The following CAMK2A variants were observed in gnomAD, a reference collection of about 807,000 sequenced individuals.
CAMK2A encodes the protein calcium/calmodulin dependent protein kinase II alpha, also known as calcium/calmodulin-dependent protein kinase type II subunit alpha.
In CAMK2A, 7 loss-of-function variants were observed where a neutral mutation model predicts 79.2. The ratio of observed to expected loss-of-function variants is 0.09; its 90% confidence interval spans 0.05 to 0.17. The LOEUF (loss-of-function observed/expected upper bound fraction) is 0.17, where lower values mean the gene tolerates loss of function less well. Among genes scored for constraint, CAMK2A ranks in the 10% least tolerant of loss-of-function variants. The pLI is 1.00. For synonymous variants in CAMK2A, 242 were observed against 251.7 expected, an observed-to-expected ratio of 0.96 and a Z score of 0.36; for missense variants, 214 against 646.4, an observed-to-expected ratio of 0.33 and a Z score of 7.25.
rs10463294 is a variant in CAMK2A, at chr5:150,256,546, G to A, written c.411+27C>T. 743,359 of 1,579,808 alleles carry A rather than the reference G, an allele frequency of 0.47. 177,050 individuals are homozygous for A. Among genetic ancestry groups the A allele is most frequent in the African/African-American group, 0.62 (45,919 of 74,308 alleles). On this transcript the variant is annotated intron_variant, in intron 6 of 18. Coordinates refer to ENST00000671881, the MANE Select transcript of CAMK2A (RefSeq NM_015981.4). This position sits in a 1 kb window ranked among gnomAD's most constrained non-coding sequence, Gnocchi z 4.6. Reference sequence around the variant, plus strand: ...CAGAGGAGAGAGGGGCTCCCGGGGTGAGCCACACCCACGGTGGGTTGCTCA... The same window carrying A: ...CAGAGGAGAGAGGGGCTCCCGGGGTAAGCCACACCCACGGTGGGTTGCTCA...
chr5:150,285,097 C>G lies in CAMK2A; in HGVS notation c.62+4467G>C, dbSNP rs1757370129. On this transcript the variant is annotated intron_variant, in intron 1 of 18. Transcript: ENST00000671881. ...CATCAGAGTTTCCCTGCCCACATGG[C>G]CACTGCTCCTCTTCCCCTGTTAGTG... 2.6e-5 allele frequency among the ~76,000 whole-genome samples: 4 copies of G among 152,240 alleles called. No homozygotes were observed. In the South Asian group the frequency reaches 8.3e-4, roughly 32 times the overall value.
rs552171489 is a variant in CAMK2A at position 150,287,911 on chromosome 5, G to A, written c.62+1653C>T. Among the ~76,000 whole-genome samples, 13 of 151,868 alleles carry A rather than the reference G, an allele frequency of 8.6e-5. No homozygotes were observed. In the South Asian group the frequency reaches 2.7e-3, roughly 32 times the overall value. On this transcript the variant is annotated intron_variant, in intron 1 of 18. Transcript: ENST00000671881. The stretch of plus-strand genomic sequence containing the variant: ...CATGGGGGTATATGTGCTCAAGGGA[G>A]GTGGTGCATGCCTGTAGGATAGCCT...
chr5:150,230,705 C>T (rs1056078998), intron 16 of CAMK2A, among the ~76,000 whole-genome samples: 2 of 152,248 alleles, frequency 1.3e-5, no homozygotes, highest in South Asian at 4.1e-4. Flanking sequence ...CATGCACACA[C>T]AGCTGCCCCT....
chr5:150,284,966 T>C lies in CAMK2A; in HGVS notation c.62+4598A>G, dbSNP rs1360028524. Reference sequence around the variant, plus strand: ...ATTGCAGGCATCTCCAGAGGTATTATGATCCCCATTTTACAGATGGTAAAG... The same window carrying C: ...ATTGCAGGCATCTCCAGAGGTATTACGATCCCCATTTTACAGATGGTAAAG... On this transcript the variant is annotated intron_variant, in intron 1 of 18. Coordinates refer to ENST00000671881, the MANE Select transcript of CAMK2A (RefSeq NM_015981.4). The surrounding 1 kb of genome is among the most constrained non-coding windows in gnomAD (Gnocchi z 5.3). Among the ~76,000 whole-genome samples, 1 of 103,026 alleles carries C rather than the reference T, an allele frequency of 9.7e-6. No homozygotes were observed. The highest frequency in any genetic ancestry group is 5.4e-5 in the African/African-American group (1 of 18,622). 67.6% of individuals were successfully genotyped at this position (103,026 alleles called of 152,430 possible).
intron 1 of CAMK2A, among the ~76,000 whole-genome samples, chr5:150,279,942 C>A (rs1043625749): frequency 2.6e-5 from 4 of 152,230 alleles, no homozygotes; most frequent in African/African-American, 9.6e-5. Context: ...CCCTCTCTGG[C>A]CTGAAACAGC....
intron 3 of CAMK2A, among the ~76,000 whole-genome samples, chr5:150,258,987 C>T (rs907680937): frequency 5.3e-5 from 8 of 151,962 alleles, no homozygotes; most frequent in Non-Finnish European, 1.0e-4. Context: ...TGAGACCAGC[C>T]TGGCCAACAT....
rs562186166 is a variant in CAMK2A at position 150,284,648 on chromosome 5, C to A, written c.62+4916G>T. Among the ~76,000 whole-genome samples, 3 of 152,302 alleles carry A rather than the reference C, an allele frequency of 2.0e-5. No individual in the cohort carries two copies. Among genetic ancestry groups the A allele is most frequent in the East Asian group, 3.9e-4 (2 of 5,188 alleles). On this transcript the variant is annotated intron_variant, in intron 1 of 18. Transcript: ENST00000671881. The surrounding 1 kb of genome is among the most constrained non-coding windows in gnomAD (Gnocchi z 5.3). ...TGGAGGAGAGGGAGGAAAGCTCGTCCCTTCCCTGTTCCTGCCACCCTTTCC... is the reference window on the plus strand; with the variant it reads ...TGGAGGAGAGGGAGGAAAGCTCGTCACTTCCCTGTTCCTGCCACCCTTTCC...
chr5:150,278,237 GGGGCT>G (rs983781548), intron 1 of CAMK2A, among the ~76,000 whole-genome samples: 24 of 152,292 alleles, frequency 1.6e-4, no homozygotes, highest in Non-Finnish European at 3.2e-4. Context: ...GGCAAGGAAA[GGGGCT>G]GGGCTGCTAC....
Position 150,221,742 on chromosome 5 carries a change from G to T in CAMK2A, c.*968C>A. 3.1e-5 allele frequency: 11 copies of T among 360,260 alleles called. No individual in the cohort carries two copies. Among genetic ancestry groups the T allele is most frequent in the East Asian group, 3.7e-5 (1 of 26,942 alleles). 22.3% of individuals were successfully genotyped at this position (360,260 alleles called of 1,614,324 possible). On this transcript the variant is annotated 3_prime_UTR_variant, in exon 19 of 19. Coordinates refer to ENST00000671881, the MANE Select transcript of CAMK2A (RefSeq NM_015981.4). ...ACCACAGGTGACAAGGTCCACCTCA[G>T]AGATGACAAAAAAAAAAAAAAAAAC...
intron 1 of CAMK2A, among the ~76,000 whole-genome samples, chr5:150,273,743 A>G (rs950985702): frequency 1.3e-5 from 2 of 152,208 alleles, no homozygotes; most frequent in African/African-American, 4.8e-5. Flanking sequence ...CTTCCATATC[A>G]TAACATAAGA....
At position 150,222,417 on chromosome 5, in the gene CAMK2A, C is replaced by T; in HGVS notation, c.*293G>A. The T allele has an allele frequency of 1.5e-6, 1 of 677,900 alleles. No individual in the cohort carries two copies. Among genetic ancestry groups the T allele is most frequent in the Non-Finnish European group, 2.7e-6 (1 of 372,184 alleles). The allele number at this position is 677,900 out of a possible 1,614,324, so 42.0% of individuals were successfully genotyped here. On this transcript the variant is annotated 3_prime_UTR_variant, in exon 19 of 19. Coordinates refer to ENST00000671881, the MANE Select transcript of CAMK2A (RefSeq NM_015981.4). The stretch of plus-strand genomic sequence containing the variant: ...AGCCCAAGACAGATCAGGCGGACAG[C>T]AGCTGAGGCTGGGGAGAGGGGGCCA...
intron 3 of CAMK2A, among the ~76,000 whole-genome samples, 179 bp from the exon 4 acceptor site, chr5:150,257,796 G>A (rs973069569): frequency 1.3e-5 from 2 of 152,154 alleles, no homozygotes; most frequent in Non-Finnish European, 2.9e-5. Context: ...CATTGAGTCC[G>A]AATAGACCTC....
rs749868312 is a variant in CAMK2A, at chr5:150,245,131, A to G, written c.984+30T>C. 1.4e-5 allele frequency: 22 copies of G among 1,610,674 alleles called. No individual in the cohort carries two copies. The Middle Eastern group carries it at 5.0e-4, about 36-fold the overall frequency. On this transcript the variant is annotated intron_variant, in intron 13 of 18. Transcript: ENST00000671881. The stretch of plus-strand genomic sequence containing the variant: ...TGTTGGCAGAAACGCTGCCAGAGCC[A>G]AGCCCTGCCAGGCTCCTGGAGGGGC...
intron 11 of CAMK2A, among the ~76,000 whole-genome samples, chr5:150,248,971 G>C (rs1372569804): frequency 1.3e-5 from 2 of 152,176 alleles, no homozygotes; most frequent in African/African-American, 2.4e-5. Flanking sequence ...CACTGCTTAT[G>C]ATGTTAAGAA....
Position 150,273,061 on chromosome 5 carries a change from C to G in CAMK2A, c.157+4G>C. The G allele has an allele frequency of 6.2e-7, 1 of 1,612,500 alleles. No homozygotes were observed. Among genetic ancestry groups the G allele is most frequent in the Non-Finnish European group, 8.5e-7 (1 of 1,178,820 alleles). On this transcript the variant is annotated splice_donor_region_variant and intron_variant, in intron 2 of 18. Transcript: ENST00000671881. The stretch of plus-strand genomic sequence containing the variant: ...GGTGGGCAGGGTAGAAATCAGGCAC[C>G]TACCTCTGGCTGACAGCTTCTTTGT...
intron 15 of CAMK2A, among the ~76,000 whole-genome samples, chr5:150,232,654 C>T (rs541087831): frequency 6.6e-6 from 1 of 152,196 alleles, no homozygotes; most frequent in Non-Finnish European, 1.5e-5. Flanking sequence ...AATAGATGAA[C>T]ACATTGCCAG....
intron 11 of CAMK2A, among the ~76,000 whole-genome samples, chr5:150,248,538 A>G (rs929908941): frequency 1.6e-5 from 2 of 122,592 alleles, no homozygotes; most frequent in Admixed American, 2.2e-4. Flanking sequence ...TCCTGTGTCC[A>G]AGTGTTCTCA....
rs906269808 is a variant in CAMK2A at position 150,256,277 on chromosome 5, G to T, written c.411+296C>A. The stretch of plus-strand genomic sequence containing the variant: ...CCTGGTTGAGATTTGGACCCAGCCT[G>T]CCTTCTTCCCCACCCACCGTAGCCA... On this transcript the variant is annotated intron_variant, in intron 6 of 18. Coordinates refer to ENST00000671881, the MANE Select transcript of CAMK2A (RefSeq NM_015981.4). This position sits in a 1 kb window ranked among gnomAD's most constrained non-coding sequence, Gnocchi z 4.6. Among the ~76,000 whole-genome samples, 3 of 152,154 alleles carry T rather than the reference G, an allele frequency of 2.0e-5. No homozygotes were observed. The highest frequency in any genetic ancestry group is 7.2e-5 in the African/African-American group (3 of 41,426).
intron 12 of CAMK2A, among the ~76,000 whole-genome samples, chr5:150,245,541 C>T (rs967802588): frequency 1.7e-4 from 26 of 152,316 alleles, no homozygotes; most frequent in Middle Eastern, 3.4e-3. Flanking sequence ...ACCGTGCTGG[C>T]GGTGGCCAAC....
Sources: allele counts gnomAD v4.1 joint callset (sites outside exome capture counted in the v4.1 genomes callset), GRCh38; gene constraint gnomAD v4.1.1; non-coding constraint Gnocchi (gnomAD v3.1); transcripts MANE v1.5; gene names NCBI Gene and HGNC (gene_info 2026-07-23, HGNC 2026-07-21).